DHX15: variants seen among roughly 807,000 people sequenced by gnomAD.
The protein encoded by DHX15 is DEAH-box helicase 15.
Under a neutral mutation model 94.4 loss-of-function variants are expected in DHX15, and 11 were observed. The ratio of observed to expected loss-of-function variants is 0.12; its 90% CI spans 0.07 to 0.19. DHX15 has a LOEUF of 0.19. Among genes scored for constraint, DHX15 ranks in the 10% least tolerant of loss-of-function variants. DHX15 has a pLI of 1.00. For missense variants in DHX15, 304 were observed against 988.5 expected (o/e 0.31, Z 9.29); for synonymous variants, 338 against 329.9 (o/e 1.02, Z -0.27).
intron 6 of DHX15, among the ~76,000 whole-genome samples, chr4:24,543,599 T>C (rs1281230421): frequency 6.6e-6 from 1 of 152,178 alleles, no homozygotes; most frequent in African/African-American, 2.4e-5. Context: ...TGACATGTAA[T>C]ACGTTACTAC....
chr4:24,581,758 C>T (rs1216957637), intron 1 of DHX15, among the ~76,000 whole-genome samples: 1 of 152,102 alleles, frequency 6.6e-6, no homozygotes, highest in African/African-American at 2.4e-5. Flanking sequence ...ACATCGAAAA[C>T]TTTTTTCCAT....
intron 2 of DHX15, among the ~76,000 whole-genome samples, chr4:24,574,986 T>C (rs1479969649): frequency 6.6e-6 from 1 of 152,004 alleles, no homozygotes; most frequent in Non-Finnish European, 1.5e-5. Context: ...ACCTCAACTC[T>C]ACAAAAATTT....
Sources: gnomAD v4.1 joint callset for allele counts (sites outside exome capture counted in the v4.1 genomes callset) on GRCh38, gnomAD v4.1.1 for gene constraint, MANE v1.5 for transcripts, NCBI Gene and HGNC (gene_info 2026-07-23, HGNC 2026-07-21) for gene names.